The following PPP2R1B variants were observed in gnomAD, a reference collection of about 807,000 sequenced individuals.
The protein encoded by PPP2R1B is serine/threonine-protein phosphatase 2A 65 kDa regulatory subunit A beta isoform.
In PPP2R1B, 58 loss-of-function variants were observed where a neutral mutation model predicts 72.7. The observed-to-expected ratio is 0.80, with a 90% CI of 0.65 to 0.99. The LOEUF (loss-of-function observed/expected upper bound fraction) is 0.99, where lower values mean the gene tolerates loss of function less well. PPP2R1B is among the 50% of genes least tolerant of loss of function. The pLI, the probability that PPP2R1B is intolerant of heterozygous loss-of-function variation, is 0.00. For synonymous variants in PPP2R1B, 256 were observed against 264.6 expected, an observed-to-expected ratio of 0.97 and a Z score of 0.32; for missense variants, 695 against 733.6, an observed-to-expected ratio of 0.95 and a Z score of 0.61.
chr11:111,761,300 G>A (rs1333688552), intron 3 of PPP2R1B: 1 of 625,632 alleles, frequency 1.6e-6, no homozygotes. Context: ...GTCTACAAAT[G>A]ACACAGTGTA....
chr11:111,724,083 T>A (rs946554593), downstream of PPP2R1B: 1 of 1,613,348 alleles, frequency 6.2e-7, no homozygotes, highest in African/African-American at 1.3e-5. Context: ...TGTGAAATGC[T>A]AGACGCTGTG....
chr11:111,754,855 C>A, intron 7 of PPP2R1B, 125 bp downstream of exon 7: 1 of 901,810 alleles, frequency 1.1e-6, no homozygotes, highest in Non-Finnish European at 1.6e-6. Flanking sequence ...AACATTTCCA[C>A]ACACTAAAAA....
chr11:111,712,714 T>C, the PPP2R1B span, among the ~76,000 whole-genome samples: 1 of 152,224 alleles, frequency 6.6e-6, no homozygotes, highest in Non-Finnish European at 1.5e-5. Context: ...CCTAACAAAT[T>C]AATGCTGAAA....
the PPP2R1B span, chr11:111,719,695 A>C: frequency 1.4e-6 from 2 of 1,382,368 alleles, no homozygotes; most frequent in Non-Finnish European, 2.0e-6. Context: ...GTTCGCCACA[A>C]GTCTTGACAT....
chr11:111,703,100 G>T, the PPP2R1B span: 3 of 942,290 alleles, frequency 3.2e-6, no homozygotes, highest in Admixed American at 4.4e-5. Flanking sequence ...TCCAGTAGAG[G>T]ATACAAAGAT....
downstream of PPP2R1B, chr11:111,724,945 A>C (rs1210256298): frequency 2.6e-5 from 4 of 152,470 alleles, no homozygotes; most frequent in African/African-American, 9.6e-5. Flanking sequence ...GCCAGGGAAG[A>C]CAGGCTCTTC....
chr11:111,754,435 A>G (rs1945024186), intron 8 of PPP2R1B, 64 bp downstream of exon 8: 1 of 1,552,872 alleles, frequency 6.4e-7, no homozygotes, highest in Non-Finnish European at 8.6e-7. Flanking sequence ...AAACAAACAA[A>G]AATAATGAGA....
the PPP2R1B span, among the ~76,000 whole-genome samples, chr11:111,700,033 A>G: frequency 2.1e-3 from 318 of 152,360 alleles, 1 homozygote; most frequent in African/African-American, 7.1e-3. Context: ...ACTTAACAAG[A>G]TAATAGGTAT....
the PPP2R1B span, among the ~76,000 whole-genome samples, chr11:111,695,591 T>C: frequency 6.6e-6 from 1 of 152,320 alleles, no homozygotes; most frequent in Middle Eastern, 3.4e-3. Context: ...TTCTGGCTAG[T>C]CAAAAAGTGG....
At chr11:111,748,493 A>T (rs1424135693) in intron 10 of PPP2R1B, among the ~76,000 whole-genome samples, 1 of 152,258 alleles carries the variant, frequency 6.6e-6, no homozygotes, top group East Asian at 1.9e-4. Context: ...TTTTCGAGAC[A>T]ACAGGAGAAA....
the PPP2R1B span, chr11:111,688,288 C>A: frequency 1.1e-6 from 1 of 880,288 alleles, no homozygotes; most frequent in East Asian, 2.5e-5. The surrounding 1 kb of genome is among the most constrained non-coding windows in gnomAD (Gnocchi z 4.2). Flanking sequence ...ATCTCAAAGT[C>A]CATTTTATTC....
chr11:111,735,000 AC>A (rs1167858141), downstream of PPP2R1B, among the ~76,000 whole-genome samples: 1 of 152,144 alleles, frequency 6.6e-6, no homozygotes, highest in African/African-American at 2.4e-5. Flanking sequence ...CAGAGAAGAG[AC>A]CCGCATCGAA....
chr11:111,755,544 C>A, intron 5 of PPP2R1B, 94 bp from the exon 6 acceptor site: 1 of 1,155,220 alleles, frequency 8.7e-7, no homozygotes, highest in East Asian at 2.7e-5. Context: ...ATTAACACCA[C>A]CAAGACTGCC....
the PPP2R1B span, chr11:111,720,422 A>G: frequency 3.3e-6 from 5 of 1,500,994 alleles, no homozygotes; most frequent in South Asian, 2.6e-5. Context: ...TTTGTACCCT[A>G]TGTTCCAAGG....
Position 111,739,089 on chromosome 11 carries a change from C to A in PPP2R1B, c.*2507G>T, listed in dbSNP as rs1944434092. Reference sequence around the variant, plus strand: ...GCTTGTTTCCTGAAAGCAGGAAAATCTTTCTGTCAGTGGGAGAATAAGACA... The same window carrying A: ...GCTTGTTTCCTGAAAGCAGGAAAATATTTCTGTCAGTGGGAGAATAAGACA... On this transcript the variant is annotated 3_prime_UTR_variant, in exon 15 of 15. Transcript: ENST00000527614. 1.0e-6 allele frequency: 1 copy of A among 985,362 alleles called. No homozygotes were observed. Among genetic ancestry groups the A allele is most frequent in the Non-Finnish European group, 1.2e-6 (1 of 829,920 alleles). 61.0% of individuals were successfully genotyped at this position (985,362 alleles called of 1,614,324 possible). A position where few individuals can be genotyped will look rare whatever the true frequency, so the allele number is the denominator to read the frequency against.
the PPP2R1B span, among the ~76,000 whole-genome samples, chr11:111,690,584 ATT>A: frequency 6.6e-6 from 1 of 151,764 alleles, no homozygotes. Context: ...TGGATTAGGT[ATT>A]TGTCCTAAGG....
At chr11:111,718,344 A>G in the PPP2R1B span, among the ~76,000 whole-genome samples, 1 of 152,200 alleles carries the variant, frequency 6.6e-6, no homozygotes, top group Non-Finnish European at 1.5e-5. Context: ...CAAAAAGGAA[A>G]GTTTATCTGG....
chr11:111,744,572 C>G (rs1468100503), intron 11 of PPP2R1B, among the ~76,000 whole-genome samples: 1 of 152,182 alleles, frequency 6.6e-6, no homozygotes, highest in Non-Finnish European at 1.5e-5. Flanking sequence ...CTTCACTTTA[C>G]AGATCCAGTA....
At chr11:111,765,105 C>G (rs1321120606) in intron 2 of PPP2R1B, among the ~76,000 whole-genome samples, 189 bp downstream of exon 2, 1 of 152,226 alleles carries the variant, frequency 6.6e-6, no homozygotes, top group Admixed American at 6.5e-5. Flanking sequence ...GTATCAATTA[C>G]TTTCAATAGC....
Sources: gnomAD v4.1 joint callset for allele counts (sites outside exome capture counted in the v4.1 genomes callset) on GRCh38, gnomAD v4.1.1 for gene constraint, Gnocchi (gnomAD v3.1) non-coding constraint, MANE v1.5 for transcripts, NCBI Gene and HGNC (gene_info 2026-07-23, HGNC 2026-07-21) for gene names.